Variants in ENKUR observed in about 807,000 individuals in gnomAD.
ENKUR encodes the protein enkurin, TRPC channel interacting protein.
In ENKUR, 19 loss-of-function variants were observed where a neutral mutation model predicts 27.6. The ratio of observed to expected loss-of-function variants is 0.69; its 90% CI spans 0.48 to 1.01. The LOEUF is 1.01. Ranked by LOEUF, ENKUR falls within the 50% of genes least tolerant of loss-of-function variation. The pLI, the probability that ENKUR is intolerant of heterozygous loss-of-function variation, is 0.00. For synonymous variants in ENKUR, 117 were observed against 96.9 expected, an observed-to-expected ratio of 1.21 and a Z score of -1.22; for missense variants, 312 against 310.5, an observed-to-expected ratio of 1.00 and a Z score of -0.04.
chr10:25,054,954 C>T lies in ENKUR; in HGVS notation c.37+6158G>A, dbSNP rs79657268. 2.2e-3 allele frequency among the ~76,000 whole-genome samples: 341 copies of T among 152,182 alleles called. 3 individuals carry two copies. Among genetic ancestry groups the T allele is most frequent in the African/African-American group, 7.5e-3 (311 of 41,534 alleles). On this transcript the variant is annotated intron_variant, in intron 2 of 5. Coordinates refer to the ENKUR transcript ENST00000615958. ...TTTCCCCAAGTGTTGAGATTACAGG[C>T]GTGAGCCACTGCACCTGGCTGGGTT... is the stretch of plus-strand genomic sequence containing the variant.
intron 2 of ENKUR, among the ~76,000 whole-genome samples, chr10:25,032,284 T>C (rs1183948045): frequency 7.0e-6 from 1 of 141,880 alleles, no homozygotes; most frequent in Non-Finnish European, 1.5e-5. Context: ...TGGAAAGAAA[T>C]CCTCCAGGGA....
At chr10:25,025,141 G>C in intron 2 of ENKUR, 2 of 1,614,190 alleles carry the variant, frequency 1.2e-6, no homozygotes, top group South Asian at 2.2e-5. Flanking sequence ...GTATATTTTG[G>C]ATCCACACAC....
rs1362063634 is a variant in ENKUR, at chr10:25,025,223, A to G, written c.38-29354T>C. The G allele has an allele frequency of 6.2e-7, 1 of 1,614,224 alleles. No homozygotes were observed. The highest frequency in any genetic ancestry group is 8.5e-7 in the Non-Finnish European group (1 of 1,180,042). Reference sequence around the variant, plus strand: ...CCTGTGATTATCTCATCTACAGCCCATTACTCAAAGTTTGCACCTGCTATC... The same window carrying G: ...CCTGTGATTATCTCATCTACAGCCCGTTACTCAAAGTTTGCACCTGCTATC... On this transcript the variant is annotated intron_variant, in intron 2 of 5. Coordinates refer to the ENKUR transcript ENST00000615958.
In ENKUR at chr10:24,987,404, A is replaced by C. The variant is rs1431955654; in HGVS notation, c.595-2499T>G. ...GCAATCCCAACACTTTGAGAGGCTG[A>C]GGGAGGAGGATTGCTTGAGGCCAGG... On this transcript the variant is annotated intron_variant, in intron 4 of 5. Coordinates refer to ENST00000331161, the MANE Select transcript of ENKUR (RefSeq NM_145010.4). Among the ~76,000 whole-genome samples the C allele has an allele frequency of 2.0e-5, 3 of 152,088 alleles. No individual in the cohort carries two copies. The South Asian group carries it at 6.2e-4, about 31-fold the overall frequency.
intron 2 of ENKUR, among the ~76,000 whole-genome samples, chr10:24,997,421 C>T (rs184989259): frequency 2.8e-4 from 42 of 148,390 alleles, no homozygotes; most frequent in African/African-American, 1.0e-3. Flanking sequence ...GGGTCTCCCT[C>T]TGCCACCCAG....
chr10:25,057,384 C>G (rs1182056204), intron 2 of ENKUR, among the ~76,000 whole-genome samples: 2 of 64,160 alleles, frequency 3.1e-5, no homozygotes, highest in Non-Finnish European at 6.1e-5. Flanking sequence ...CTTTGGTACA[C>G]ACACACACAC....
At chr10:25,014,891 A>G (rs1025594353) in intron 1 of ENKUR, among the ~76,000 whole-genome samples, 22 of 152,334 alleles carry the variant, frequency 1.4e-4, no homozygotes, top group Non-Finnish European at 3.2e-4. Flanking sequence ...ATAATTGACC[A>G]TTAGATCTAA....
rs1850871484 is a variant in ENKUR, at chr10:25,027,339, A to G, written c.38-31470T>C. Among the ~76,000 whole-genome samples, 3 of 128,496 alleles carry G rather than the reference A, an allele frequency of 2.3e-5. No individual in the cohort carries two copies. In the South Asian group the frequency reaches 9.0e-4, roughly 39 times the overall value. 84.3% of individuals were successfully genotyped at this position (128,496 alleles called of 152,430 possible). A position where few individuals can be genotyped will look rare whatever the true frequency, so the allele number is the denominator to read the frequency against. On this transcript the variant is annotated intron_variant, in intron 2 of 5. Coordinates refer to the ENKUR transcript ENST00000615958. ...CCACTGCCACTCCAGCCTGGGTGACAGAGCAAGACTCCCGTCTCAAAAAAA... is the reference window on the plus strand; with the variant it reads ...CCACTGCCACTCCAGCCTGGGTGACGGAGCAAGACTCCCGTCTCAAAAAAA...
chr10:25,017,326 T>A (rs1341338004), upstream of ENKUR, among the ~76,000 whole-genome samples: 1 of 152,182 alleles, frequency 6.6e-6, no homozygotes, highest in Non-Finnish European at 1.5e-5. Context: ...ATTTAGACGC[T>A]TTTACCCGAG....
chr10:25,054,494 T>TTTCTTTCC (rs1851226758), intron 2 of ENKUR, among the ~76,000 whole-genome samples: 1 of 125,760 alleles, frequency 8.0e-6, no homozygotes, highest in Non-Finnish European at 1.7e-5. Context: ...TCTTTCTTTC[T>TTTCTTTCC]TTCTTTCTTT....
intron 2 of ENKUR, among the ~76,000 whole-genome samples, chr10:25,056,626 G>A (rs1455408539): frequency 6.6e-6 from 1 of 152,102 alleles, no homozygotes; most frequent in Non-Finnish European, 1.5e-5. Flanking sequence ...AAATATACCT[G>A]GAAAGCCAGC....
chr10:24,991,714 TC>T (rs1849933306), intron 3 of ENKUR, among the ~76,000 whole-genome samples: 1 of 152,188 alleles, frequency 6.6e-6, no homozygotes, highest in African/African-American at 2.4e-5. Flanking sequence ...CCACGTGTGA[TC>T]CAATTCTTCA....
chr10:24,987,784 T>C (rs1191339944), intron 4 of ENKUR, among the ~76,000 whole-genome samples: 2 of 152,162 alleles, frequency 1.3e-5, no homozygotes, highest in African/African-American at 4.8e-5. Flanking sequence ...CTTGATAGTT[T>C]TGTGACCAAA....
Position 25,027,357 on chromosome 10 carries a change from CAAAAAAAAAAA to C in ENKUR, c.38-31499_38-31489del, listed in dbSNP as rs71399946. 6.8e-3 allele frequency among the ~76,000 whole-genome samples: 332 copies of C among 48,482 alleles called. 4 individuals are homozygous for C. The highest frequency in any genetic ancestry group is 0.01 in the Non-Finnish European group (287 of 28,364). 31.8% of individuals were successfully genotyped at this position (48,482 alleles called of 152,430 possible). A position where few individuals can be genotyped will look rare whatever the true frequency, so the allele number is the denominator to read the frequency against. On this transcript the variant is annotated intron_variant, in intron 2 of 5. Coordinates refer to the ENKUR transcript ENST00000615958. ...GGGTGACAGAGCAAGACTCCCGTCTCAAAAAAAAAAAAAAAAAAAAAAAAAAAAAACTAGCC... is the reference window on the plus strand; with the variant it reads ...GGGTGACAGAGCAAGACTCCCGTCTCAAAAAAAAAAAAAAAAAAACTAGCC...
chr10:25,013,161 T>G (rs1850489029), intron 1 of ENKUR, among the ~76,000 whole-genome samples: 1 of 152,256 alleles, frequency 6.6e-6, no homozygotes, highest in Admixed American at 6.5e-5. Flanking sequence ...CTCAGCCATG[T>G]GAAACTGTGA....
At chr10:25,023,561 A>G (rs146228423) in intron 2 of ENKUR, 1 of 1,614,128 alleles carries the variant, frequency 6.2e-7, no homozygotes. Context: ...CAATTTTTAG[A>G]AGAGGAAGGA....
At chr10:25,023,117 C>T in intron 2 of ENKUR, 1 of 1,063,486 alleles carries the variant, frequency 9.4e-7, no homozygotes. Context: ...TAACAATCTA[C>T]TGTAATTAGT....
At chr10:25,007,482 TG>T (rs1850341299) in intron 1 of ENKUR, among the ~76,000 whole-genome samples, 1 of 152,206 alleles carries the variant, frequency 6.6e-6, no homozygotes, top group African/African-American at 2.4e-5. Context: ...TCACCCAGGC[TG>T]GAGTGCAGAG....
intron 2 of ENKUR, among the ~76,000 whole-genome samples, chr10:25,059,954 G>A (rs1039801167): frequency 1.1e-4 from 17 of 152,146 alleles, no homozygotes; most frequent in Admixed American, 1.0e-3. Flanking sequence ...ATTTTGCCTC[G>A]GGCAGCCTTG....
Sources: allele counts gnomAD v4.1 joint callset (sites outside exome capture counted in the v4.1 genomes callset), GRCh38; gene constraint gnomAD v4.1.1; transcripts MANE v1.5; gene names NCBI Gene and HGNC (gene_info 2026-07-23, HGNC 2026-07-21).